The following COL5A1 variants were observed in gnomAD, a reference collection of about 807,000 sequenced individuals.
The protein encoded by COL5A1 is collagen alpha-1(V) chain.
In COL5A1, 16 loss-of-function variants were observed where a neutral mutation model predicts 263.7. The observed-to-expected ratio is 0.06, with a 90% confidence interval of 0.04 to 0.09. The LOEUF (loss-of-function observed/expected upper bound fraction) is 0.09, where lower values mean the gene tolerates loss of function less well. Among genes scored for constraint, COL5A1 ranks in the 10% least tolerant of loss-of-function variants. The pLI is 1.00. For synonymous variants in COL5A1, 1,012 were observed against 1,004.5 expected (o/e 1.01, Z -0.14); for missense variants, 2,036 against 2,540.5 (o/e 0.80, Z 4.27).
intron 9 of COL5A1, among the ~76,000 whole-genome samples, chr9:134,736,222 GC>G (rs1835094584): frequency 6.6e-6 from 1 of 152,234 alleles, no homozygotes; most frequent in South Asian, 2.1e-4. Context: ...ATTGTGAGCT[GC>G]TGTTACAGCA....
Position 134,808,996 on chromosome 9 carries a change from A to G in COL5A1, c.3367-187A>G, listed in dbSNP as rs553341525. On this transcript the variant is annotated intron_variant, in intron 42 of 65. Transcript: ENST00000371817. ...AATTGAAGCGATGCACCAGAAGTTCATGGTCCAGGGGCGGGCTCAGAGTCG... is the reference window on the plus strand; with the variant it reads ...AATTGAAGCGATGCACCAGAAGTTCGTGGTCCAGGGGCGGGCTCAGAGTCG... 89 of 638,836 alleles carry G rather than the reference A, an allele frequency of 1.4e-4. 1 individual carries two copies. In the African/African-American group the frequency reaches 1.5e-3, roughly 11 times the overall value. 39.6% of individuals were successfully genotyped at this position (638,836 alleles called of 1,614,324 possible).
chr9:134,699,807 C>A, intron 2 of COL5A1, 102 bp from the exon 3 acceptor site: 1 of 1,162,596 alleles, frequency 8.6e-7, no homozygotes. Context: ...ACGGGCAGCA[C>A]AGCTTCCCAG....
chr9:134,655,206 G>T (rs1375359412), intron 1 of COL5A1, among the ~76,000 whole-genome samples: 1 of 151,690 alleles, frequency 6.6e-6, no homozygotes, highest in Non-Finnish European at 1.5e-5. Flanking sequence ...GTGTTGGGCC[G>T]GGCGTCTGTA....
At chr9:134,660,551 C>T (rs749171128) in intron 1 of COL5A1, among the ~76,000 whole-genome samples, 5 of 152,192 alleles carry the variant, frequency 3.3e-5, no homozygotes, top group Admixed American at 6.5e-5. Flanking sequence ...ATCAAAGCCT[C>T]AAACTTCAGT....
intron 4 of COL5A1, among the ~76,000 whole-genome samples, chr9:134,713,205 GTCT>G (rs1834132295): frequency 6.6e-6 from 1 of 152,266 alleles, no homozygotes; most frequent in African/African-American, 2.4e-5. Context: ...ACGCCACGTG[GTCT>G]TCTTAGCAGG....
chr9:134,760,055 C>T (rs1303597342), intron 18 of COL5A1, among the ~76,000 whole-genome samples: 1 of 137,584 alleles, frequency 7.3e-6, no homozygotes, highest in Non-Finnish European at 1.6e-5. Flanking sequence ...CACACCCACA[C>T]ACCCCCACAC....
intron 14 of COL5A1, 46 bp downstream of exon 14, chr9:134,752,691 G>T (rs771806882): frequency 6.9e-7 from 1 of 1,451,516 alleles, no homozygotes; most frequent in South Asian, 1.1e-5. Flanking sequence ...GTGGGGATTG[G>T]CCCACTCCCT....
At chr9:134,745,450 G>A (rs1020207820) in intron 11 of COL5A1, among the ~76,000 whole-genome samples, 1 of 152,114 alleles carries the variant, frequency 6.6e-6, no homozygotes, top group Non-Finnish European at 1.5e-5. Context: ...TCTTTCTCAC[G>A]TGGGCCCCTT....
intron 25 of COL5A1, among the ~76,000 whole-genome samples, chr9:134,769,268 G>A (rs995824034): frequency 2.0e-5 from 3 of 152,192 alleles, no homozygotes; most frequent in African/African-American, 4.8e-5. Flanking sequence ...CCCTCAGGCC[G>A]AGTCAGTTGG....
At chr9:134,684,519 G>A (rs907871784) in intron 1 of COL5A1, among the ~76,000 whole-genome samples, 1 of 152,222 alleles carries the variant, frequency 6.6e-6, no homozygotes, top group Non-Finnish European at 1.5e-5. Context: ...TCTTTGTGCT[G>A]GGCCACATTA....
rs116404572 is a variant in COL5A1 at position 134,816,723 on chromosome 9, C to A, written c.4123-303C>A. ...CCTTCTGTGAAAGGGGATGCCAGTG[C>A]CTCGTCCCTGCCCAGGTTGTGGTGG... On this transcript the variant is annotated intron_variant, in intron 52 of 65. Transcript: ENST00000371817. Among the ~76,000 whole-genome samples the A allele has an allele frequency of 8.5e-3, 1,295 of 152,364 alleles. 23 individuals carry two copies. Among genetic ancestry groups the A allele is most frequent in the African/African-American group, 0.029 (1,193 of 41,584 alleles).
intron 1 of COL5A1, among the ~76,000 whole-genome samples, chr9:134,662,349 C>G (rs1832235576): frequency 6.6e-6 from 1 of 152,238 alleles, no homozygotes; most frequent in Non-Finnish European, 1.5e-5. Flanking sequence ...ACATTCTTCT[C>G]TGACAACTCA....
intron 18 of COL5A1, among the ~76,000 whole-genome samples, chr9:134,761,314 T>C (rs1476271175): frequency 6.6e-6 from 1 of 151,406 alleles, no homozygotes; most frequent in African/African-American, 2.4e-5. Context: ...CACCCACACA[T>C]CCACCCACAC....
At chr9:134,649,143 A>T (rs1464379694) in intron 1 of COL5A1, among the ~76,000 whole-genome samples, 1 of 152,080 alleles carries the variant, frequency 6.6e-6, no homozygotes, top group Non-Finnish European at 1.5e-5. Context: ...GTGCCAGCCC[A>T]GCCCCAGGCC....
intron 37 of COL5A1, among the ~76,000 whole-genome samples, 181 bp from the exon 38 acceptor site, chr9:134,801,773 C>T (rs1235822009): frequency 1.4e-5 from 2 of 146,634 alleles, no homozygotes; most frequent in Admixed American, 1.4e-4. Context: ...GGCGACAGAG[C>T]GAGACTCTCC....
intron 52 of COL5A1, 93 bp from the exon 53 acceptor site, chr9:134,816,933 A>G: frequency 8.6e-7 from 1 of 1,165,270 alleles, no homozygotes; most frequent in South Asian, 1.2e-5. Context: ...GGGCTGGCCG[A>G]GGAGTAAATA....
At chr9:134,690,315 G>A (rs1833232522) in intron 1 of COL5A1, among the ~76,000 whole-genome samples, 1 of 152,200 alleles carries the variant, frequency 6.6e-6, no homozygotes, top group Admixed American at 6.5e-5. Flanking sequence ...ATAATGACGG[G>A]GGGATAAACT....
intron 1 of COL5A1, among the ~76,000 whole-genome samples, chr9:134,668,663 A>G (rs998563370): frequency 2.0e-5 from 3 of 151,754 alleles, no homozygotes; most frequent in Non-Finnish European, 4.4e-5. Flanking sequence ...AATCCATCCA[A>G]TCAGACACCC....
chr9:134,752,467 C>T, intron 13 of COL5A1, 122 bp from the exon 14 acceptor site: 1 of 733,760 alleles, frequency 1.4e-6, no homozygotes, highest in Non-Finnish European at 2.4e-6. Context: ...TTTCCAGAGT[C>T]TCCTGTCCCT....
Sources: allele counts gnomAD v4.1 joint callset (sites outside exome capture counted in the v4.1 genomes callset), GRCh38; gene constraint gnomAD v4.1.1; transcripts MANE v1.5; gene names NCBI Gene and HGNC (gene_info 2026-07-23, HGNC 2026-07-21).